LYST: variants seen among roughly 807,000 people sequenced by gnomAD.
LYST encodes the protein lysosomal trafficking regulator, also known as lysosomal-trafficking regulator.
A neutral mutation model predicts 413.6 loss-of-function variants in LYST; 192 were observed. The observed-to-expected ratio is 0.46, with a 90% CI of 0.41 to 0.52. The LOEUF is 0.52. LYST is among the 20% of genes least tolerant of loss of function. The pLI is 0.00. For missense variants in LYST, 3,815 were observed against 4,499.9 expected, an observed-to-expected ratio of 0.85 and a Z score of 4.35; for synonymous variants, 1,525 against 1,567.3, an observed-to-expected ratio of 0.97 and a Z score of 0.64.
intron 23 of LYST, among the ~76,000 whole-genome samples, chr1:235,758,398 C>T (rs1359066690): frequency 6.6e-6 from 1 of 152,176 alleles, no homozygotes; most frequent in Non-Finnish European, 1.5e-5. Context: ...TCCTGGGAAA[C>T]ACTGGTATTG....
At chr1:235,793,637 A>T (rs1408067984) in intron 10 of LYST, 25 bp from the exon 11 acceptor site, 1 of 1,260,614 alleles carries the variant, frequency 7.9e-7, no homozygotes, top group Non-Finnish European at 1.2e-6. Context: ...GAGGGAAAAA[A>T]TTAAAGCTAG....
intron 31 of LYST, chr1:235,738,506 A>G: frequency 6.2e-7 from 1 of 1,612,226 alleles, no homozygotes; most frequent in Non-Finnish European, 8.5e-7. Flanking sequence ...ACTCAGCCCA[A>G]TTCCGTTACC....
intron 36 of LYST, among the ~76,000 whole-genome samples, chr1:235,730,274 C>T (rs1017505437): frequency 4.0e-5 from 6 of 151,808 alleles, no homozygotes; most frequent in African/African-American, 1.5e-4. Context: ...TAATAACATA[C>T]TTAATACTCA....
intron 25 of LYST, among the ~76,000 whole-genome samples, chr1:235,755,029 T>G (rs565751888): frequency 1.2e-4 from 16 of 130,950 alleles, no homozygotes; most frequent in African/African-American, 4.9e-4. Context: ...AGCTGAGGCA[T>G]GACTGTGTCT....
At chr1:235,753,367 T>C (rs1451826553) in intron 25 of LYST, 93 bp from the exon 26 acceptor site, 1 of 822,062 alleles carries the variant, frequency 1.2e-6, no homozygotes, top group Non-Finnish European at 2.1e-6. Context: ...TAACTTGATT[T>C]TGAAGTCATA....
chr1:235,764,503 T>TC (rs931484633), intron 21 of LYST, among the ~76,000 whole-genome samples: 1 of 141,680 alleles, frequency 7.1e-6, no homozygotes, highest in African/African-American at 2.6e-5. Flanking sequence ...TTCTTTTTTT[T>TC]TTTTTTTTTT....
At chr1:235,816,505 C>T (rs1350834073) in intron 3 of LYST, among the ~76,000 whole-genome samples, 1 of 146,406 alleles carries the variant, frequency 6.8e-6, no homozygotes, top group Non-Finnish European at 1.5e-5. Context: ...AAGCAATTTA[C>T]AGATTCAATG....
chr1:235,753,485 C>T (rs1666695789), intron 25 of LYST, among the ~76,000 whole-genome samples: 1 of 152,164 alleles, frequency 6.6e-6, no homozygotes, highest in South Asian at 2.1e-4. Flanking sequence ...GATAAATACA[C>T]AAACATTCAA....
At chr1:235,788,606 T>C in intron 13 of LYST, 95 bp downstream of exon 13, 1 of 1,175,072 alleles carries the variant, frequency 8.5e-7, no homozygotes. Flanking sequence ...TGTTTTGCTA[T>C]AATGAACTTT....
Position 235,720,897 on chromosome 1 carries a change from A to G in LYST, c.9324T>C (p.Asp3108=). The G allele has an allele frequency of 6.2e-7, 1 of 1,613,738 alleles. No homozygotes were observed. The highest frequency in any genetic ancestry group is 8.5e-7 in the Non-Finnish European group (1 of 1,179,718). ...TTGTGAGTATATTGTGGTATACATC[A>G]TCACGAACCTAAAAGGGAAGGAGAA... ...LLAFDNTKVR[D]DVYHNILTNN... Residue 3108 remains aspartate, a synonymous_variant, in exon 40 of 53, where the codon GAT becomes GAC. Coordinates refer to ENST00000389793, the MANE Select transcript of LYST (RefSeq NM_000081.4).
chr1:235,835,568 A>T (rs998232860), intron 1 of LYST, among the ~76,000 whole-genome samples: 1 of 152,322 alleles, frequency 6.6e-6, no homozygotes, highest in South Asian at 2.1e-4. Context: ...CCTCACTTGA[A>T]TATCTATGCA....
rs1678933294 is a variant in LYST at position 235,854,467 on chromosome 1, G to C, written c.-98+12376C>G. On this transcript the variant is annotated intron_variant, in intron 1 of 52. Transcript: ENST00000389793. The surrounding 1 kb of genome is among the most constrained non-coding windows in gnomAD (Gnocchi z 4.1). The stretch of plus-strand genomic sequence containing the variant: ...TTTCAGTAAATGGCCTCTACCCAGT[G>C]ACTGAGGTGAGAAACCAGAATAGCA... Among the ~76,000 whole-genome samples, 1 of 152,126 alleles carries C rather than the reference G, an allele frequency of 6.6e-6. No individual in the cohort carries two copies. The highest frequency in any genetic ancestry group is 6.5e-5 in the Admixed American group (1 of 15,276).
chr1:235,769,929 TA>T (rs1018035538), intron 20 of LYST, among the ~76,000 whole-genome samples: 1 of 152,080 alleles, frequency 6.6e-6, no homozygotes, highest in African/African-American at 2.4e-5. Context: ...AGAAATTTAG[TA>T]ATTGTACTTT....
rs1675456782 is a variant in LYST at position 235,827,475 on chromosome 1, A to T, written c.192+2751T>A. The T allele has an allele frequency of 1.0e-5, 10 of 983,636 alleles. No individual in the cohort carries two copies. The South Asian group carries it at 4.2e-4, about 42-fold the overall frequency. 60.9% of individuals were successfully genotyped at this position (983,636 alleles called of 1,614,324 possible). A position where few individuals can be genotyped will look rare whatever the true frequency, so the allele number is the denominator to read the frequency against. ...AAGTGCTCCTATTCATGAGAAGCAC[A>T]GATAGAAAAACTAAATTTCCTCCTA... On this transcript the variant is annotated intron_variant, in intron 3 of 52. Coordinates refer to ENST00000389793, the MANE Select transcript of LYST (RefSeq NM_000081.4).
chr1:235,805,661 T>C, intron 6 of LYST, 82 bp downstream of exon 6: 1 of 625,602 alleles, frequency 1.6e-6, no homozygotes, highest in Non-Finnish European at 2.6e-6. Flanking sequence ...GTAATACATA[T>C]TACATTTTTT....
At chr1:235,737,022 A>C (rs2103236028) in intron 31 of LYST, 1 of 151,032 alleles carries the variant, frequency 6.6e-6, no homozygotes, top group African/African-American at 2.4e-5. Flanking sequence ...AAGGAATCCC[A>C]AAAAACTATA....
chr1:235,762,774 T>C lies in LYST; in HGVS notation c.6199A>G (p.Ser2067Gly). 1 of 1,613,218 alleles carries C rather than the reference T, an allele frequency of 6.2e-7. No individual in the cohort carries two copies. Among genetic ancestry groups the C allele is most frequent in the East Asian group, 2.2e-5 (1 of 44,840 alleles). ...HSSSGGRSLM[S>G]PGFMVISPSG... is the part of the protein sequence containing the mutation. Reference sequence around the variant, plus strand: ...GGGCTTATTACCATAAATCCAGGGCTCATAAGGGACCTTCCTCCACTGCTG... The same window carrying C: ...GGGCTTATTACCATAAATCCAGGGCCCATAAGGGACCTTCCTCCACTGCTG... Residue 2067 changes from serine (S) to glycine (G), a missense_variant, in exon 22 of 53, where the codon AGC (serine) becomes GGC (glycine). Ser to Gly is a moderately conservative substitution (Grantham distance 56, BLOSUM62 0). Coordinates refer to ENST00000389793, the MANE Select transcript of LYST (RefSeq NM_000081.4).
At chr1:235,723,962 T>C (rs1663617598) in intron 39 of LYST, 66 bp downstream of exon 39, 6 of 1,300,114 alleles carry the variant, frequency 4.6e-6, no homozygotes, top group Non-Finnish European at 6.7e-6. Flanking sequence ...GTAATCAGTA[T>C]GAGTATAGTT....
At chr1:235,855,687 T>G (rs1186081441) in intron 1 of LYST, among the ~76,000 whole-genome samples, 4 of 152,142 alleles carry the variant, frequency 2.6e-5, no homozygotes, top group Non-Finnish European at 5.9e-5. Context: ...TTTTCATATA[T>G]ATTTTGCATA....
Sources: allele counts gnomAD v4.1 joint callset (sites outside exome capture counted in the v4.1 genomes callset), GRCh38; gene constraint gnomAD v4.1.1; non-coding constraint Gnocchi (gnomAD v3.1); transcripts MANE v1.5; gene names NCBI Gene and HGNC (gene_info 2026-07-23, HGNC 2026-07-21).